Variants in ASPRV1 observed in about 807,000 individuals in gnomAD.
ASPRV1 encodes the protein retroviral-like aspartic protease 1.
ASPRV1 carries 7 observed loss-of-function variants against 11.0 expected under a neutral mutation model. The ratio of observed to expected loss-of-function variants is 0.64; its 90% CI spans 0.36 to 1.20. The LOEUF is 1.20. Ranked by LOEUF, ASPRV1 falls within the 50% of genes most tolerant of loss-of-function variation. The pLI, the probability that ASPRV1 is intolerant of heterozygous loss-of-function variation, is 0.02. For synonymous variants in ASPRV1, 136 were observed against 138.4 expected (o/e 0.98, Z 0.12); for missense variants, 299 against 320.0 (o/e 0.93, Z 0.50).
the ASPRV1 span, among the ~76,000 whole-genome samples, chr2:70,013,010 C>T: frequency 6.6e-6 from 1 of 152,160 alleles, no homozygotes; most frequent in Non-Finnish European, 1.5e-5. Flanking sequence ...AATGTGTATC[C>T]ATGCTGGTAG....
downstream of ASPRV1, among the ~76,000 whole-genome samples, chr2:69,956,160 A>G (rs958828143): frequency 5.6e-4 from 86 of 152,308 alleles, no homozygotes; most frequent in African/African-American, 2.0e-3. Context: ...CAAATCTAAA[A>G]CAATTTGAGC....
At chr2:69,967,058 C>T in the ASPRV1 span, among the ~76,000 whole-genome samples, 1 of 152,198 alleles carries the variant, frequency 6.6e-6, no homozygotes, top group African/African-American at 2.4e-5. Context: ...ACACCATGCT[C>T]GTGGCTGTAA....
At chr2:69,954,614 A>G in the ASPRV1 span, among the ~76,000 whole-genome samples, 9 of 152,272 alleles carry the variant, frequency 5.9e-5, no homozygotes, top group Non-Finnish European at 1.3e-4. Flanking sequence ...TGTCTCTGTT[A>G]GCCAACACCA....
chr2:70,053,837 G>A, the ASPRV1 span: 3 of 152,292 alleles, frequency 2.0e-5, no homozygotes, highest in East Asian at 3.9e-4. Flanking sequence ...TACCACATGA[G>A]GTAGACAAAA....
At chr2:69,942,081 C>A in the ASPRV1 span, 1 of 152,176 alleles carries the variant, frequency 6.6e-6, no homozygotes, top group Non-Finnish European at 1.5e-5. Flanking sequence ...CCCCCTTTGC[C>A]TTCCCTGAGT....
chr2:70,005,644 T>C, the ASPRV1 span, among the ~76,000 whole-genome samples: 1 of 151,980 alleles, frequency 6.6e-6, no homozygotes, highest in African/African-American at 2.4e-5. Context: ...TTCCAAGCAT[T>C]TTTCTTTGAG....
chr2:70,071,070 G>C, the ASPRV1 span, among the ~76,000 whole-genome samples: 32 of 152,158 alleles, frequency 2.1e-4, no homozygotes, highest in African/African-American at 7.2e-4. Context: ...CAGCCATTTT[G>C]TGAGCTCTGA....
the ASPRV1 span, among the ~76,000 whole-genome samples, chr2:70,005,514 A>G: frequency 6.6e-6 from 1 of 152,188 alleles, no homozygotes; most frequent in African/African-American, 2.4e-5. Context: ...CTAATTCATT[A>G]ACTTCTTTTA....
chr2:69,938,905 G>C, the ASPRV1 span: 1 of 152,746 alleles, frequency 6.5e-6, no homozygotes, highest in Non-Finnish European at 1.5e-5. Context: ...TGGACACCTT[G>C]ATAGTGTGTC....
At chr2:70,058,945 G>A in the ASPRV1 span, among the ~76,000 whole-genome samples, 16 of 128,796 alleles carry the variant, frequency 1.2e-4, no homozygotes, top group Non-Finnish European at 1.7e-4. Context: ...GGAATGCAAT[G>A]GCGCCAACCC....
chr2:70,020,941 T>C, the ASPRV1 span, among the ~76,000 whole-genome samples: 21 of 152,202 alleles, frequency 1.4e-4, 1 homozygote, highest in East Asian at 9.6e-4. Context: ...GCGGTGATGG[T>C]TGCACAATAT....
At chr2:69,941,311 G>C in the ASPRV1 span, 1 of 152,166 alleles carries the variant, frequency 6.6e-6, no homozygotes, top group Non-Finnish European at 1.5e-5. Context: ...GGCTTTGAAT[G>C]GTGGGCCGAG....
At chr2:69,997,022 G>T in the ASPRV1 span, 1 of 255,830 alleles carries the variant, frequency 3.9e-6, no homozygotes, top group Admixed American at 5.1e-5. Context: ...GGCAGAATAA[G>T]AAGTGGACAC....
the ASPRV1 span, among the ~76,000 whole-genome samples, chr2:69,948,838 C>A: frequency 6.6e-6 from 1 of 152,176 alleles, no homozygotes; most frequent in Non-Finnish European, 1.5e-5. Context: ...TGACAGCACT[C>A]AGGCCTCCCC....
chr2:70,004,528 C>CAAAAAAAAAAAAAA, the ASPRV1 span, among the ~76,000 whole-genome samples: 1 of 54,638 alleles, frequency 1.8e-5, no homozygotes, highest in Non-Finnish European at 4.0e-5. Context: ...AACTCCATCT[C>CAAAAAAAAAAAAAA]AAAAAAAAAA....
chr2:70,084,783 C>A, the ASPRV1 span, among the ~76,000 whole-genome samples: 1 of 152,104 alleles, frequency 6.6e-6, no homozygotes, highest in Non-Finnish European at 1.5e-5. Flanking sequence ...ATGTGAGACA[C>A]TGAATACATA....
the ASPRV1 span, among the ~76,000 whole-genome samples, chr2:70,035,950 TTTTACTGTATTAC>T: frequency 6.6e-6 from 1 of 151,816 alleles, no homozygotes; most frequent in Non-Finnish European, 1.5e-5. Flanking sequence ...ACTTTCATGC[TTTTACTGTATTAC>T]TTTCAAAGAA....
chr2:70,007,236 G>A, the ASPRV1 span, among the ~76,000 whole-genome samples: 2 of 152,216 alleles, frequency 1.3e-5, no homozygotes, highest in Non-Finnish European at 2.9e-5. Context: ...ATCTACTTAA[G>A]CCGGGCGCAG....
chr2:69,973,743 T>C, the ASPRV1 span, among the ~76,000 whole-genome samples: 1 of 152,266 alleles, frequency 6.6e-6, no homozygotes, highest in African/African-American at 2.4e-5. Context: ...CATTTTTCTG[T>C]GCCATTCACA....
Sources: gnomAD v4.1 joint callset for allele counts (sites outside exome capture counted in the v4.1 genomes callset) on GRCh38, gnomAD v4.1.1 for gene constraint, MANE v1.5 for transcripts, NCBI Gene and HGNC (gene_info 2026-07-23, HGNC 2026-07-21) for gene names.